The following CES5A variants were observed in gnomAD, a reference collection of about 807,000 sequenced individuals.
CES5A encodes the protein carboxylesterase 5A.
A neutral mutation model predicts 62.9 loss-of-function variants in CES5A; 67 were observed. The observed-to-expected ratio is 1.07, with a 90% confidence interval of 0.88 to 1.31. The LOEUF (loss-of-function observed/expected upper bound fraction) is 1.31. Among genes scored for constraint, CES5A ranks in the 50% most tolerant of loss-of-function variants. CES5A has a pLI of 0.00. For synonymous variants in CES5A, 296 were observed against 280.8 expected, an observed-to-expected ratio of 1.05 and a Z score of -0.54; for missense variants, 748 against 708.5, an observed-to-expected ratio of 1.06 and a Z score of -0.63.
At chr16:55,892,761 A>G (rs1054866594) in intron 1 of CES5A, among the ~76,000 whole-genome samples, 2 of 152,104 alleles carry the variant, frequency 1.3e-5, no homozygotes, top group African/African-American at 2.4e-5. Flanking sequence ...AAAATTATAT[A>G]TATATAAAGC....
intron 1 of CES5A, among the ~76,000 whole-genome samples, chr16:55,914,007 G>A (rs2034120644): frequency 6.6e-6 from 1 of 152,130 alleles, no homozygotes; most frequent in Non-Finnish European, 1.5e-5. Context: ...CTACTTACTA[G>A]CTCTGCAGCC....
intron 4 of CES5A, among the ~76,000 whole-genome samples, chr16:55,867,145 T>C (rs1246538463): frequency 2.0e-5 from 3 of 152,114 alleles, no homozygotes; most frequent in African/African-American, 7.2e-5. Flanking sequence ...TGCTGGGAAG[T>C]GTTTGGGCAG....
At chr16:55,937,306 C>T (rs540479384) in intron 2 of CES5A, among the ~76,000 whole-genome samples, 4 of 152,314 alleles carry the variant, frequency 2.6e-5, no homozygotes, top group African/African-American at 7.2e-5. Flanking sequence ...TATCTGCCTC[C>T]CTCGCTGGGC....
At chr16:55,886,151 T>G (rs2033813305) in intron 1 of CES5A, among the ~76,000 whole-genome samples, 1 of 152,246 alleles carries the variant, frequency 6.6e-6, no homozygotes, top group East Asian at 1.9e-4. Context: ...CTCTCAGGAG[T>G]GACCTCAAAA....
Position 55,866,006 on chromosome 16 carries a change from G to T in CES5A, c.662C>A (p.Thr221Asn), listed in dbSNP as rs755464791. ...GGCTCCCGCGGACTCGCCAAAGATG[G>T]TCACAGAGCTGGGGTCCCCACCGAA... ...EFFGGDPSSV[T>N]IFGESAGAIS... The change falls in exon 5 of 13, where the codon ACC becomes AAC. Residue 221 changes from threonine (T) to asparagine (N), a missense_variant. Transcript: ENST00000290567. 1.2e-6 allele frequency: 2 copies of T among 1,614,196 alleles called. No homozygotes were observed. The highest frequency in any genetic ancestry group is 1.3e-5 in the African/African-American group (1 of 75,056).
rs1482337923 is a variant in CES5A, at chr16:55,871,693, C to CA, written c.348_349insT (p.Val117CysfsTer42). The CA allele has an allele frequency of 6.2e-7, 1 of 1,614,144 alleles. No individual in the cohort carries two copies. Among genetic ancestry groups the CA allele is most frequent in the Non-Finnish European group, 8.5e-7 (1 of 1,180,012 alleles). On this transcript the variant is annotated frameshift_variant, in exon 3 of 13. Coordinates refer to ENST00000290567, the MANE Select transcript of CES5A (RefSeq NM_001143685.2). LOFTEE classifies it high-confidence loss of function. ...TTCAGGTAGAGGCAGTCTTCTGACA[C>CA]TCCGAATTTCGGGTAATGCACCTTG... is the stretch of plus-strand genomic sequence containing the variant.
intron 1 of CES5A, among the ~76,000 whole-genome samples, chr16:55,890,040 T>G (rs1352541617): frequency 6.6e-6 from 1 of 152,054 alleles, no homozygotes; most frequent in Non-Finnish European, 1.5e-5. Context: ...AGCATCAGAG[T>G]CACACTCACT....
rs545046787 is a variant in CES5A, at chr16:55,955,879, C to G, written c.7G>C (p.Val3Leu). ...TGGCATGAAGCAGGGCAAACCAGAA[C>G]AGCCATCAGACTTGCCCTTGGTCCT... Residue 3 changes from valine (V) to leucine (L), a missense_variant, in exon 1 of 14, where the codon GTT (valine) becomes CTT (leucine). By Grantham distance (32) the Val-to-Leu change is conservative. Coordinates refer to the CES5A transcript ENST00000521992. The G allele has an allele frequency of 3.3e-4, 505 of 1,536,086 alleles. 1 individual carries two copies. The African/African-American group carries it at 6.4e-3, about 20-fold the overall frequency.
intron 1 of CES5A, among the ~76,000 whole-genome samples, chr16:55,921,088 T>C (rs1457599091): frequency 6.6e-6 from 1 of 151,982 alleles, no homozygotes. Context: ...AAAAAAAGAA[T>C]GAAAAGCAAT....
chr16:55,915,645 A>T (rs753337914), intron 1 of CES5A, among the ~76,000 whole-genome samples: 30 of 152,142 alleles, frequency 2.0e-4, no homozygotes, highest in Non-Finnish European at 3.8e-4. Flanking sequence ...CTCCTCCAGG[A>T]AGTCTTCATT....
At chr16:55,850,320 G>T (rs1232725406) in intron 10 of CES5A, among the ~76,000 whole-genome samples, 1 of 152,102 alleles carries the variant, frequency 6.6e-6, no homozygotes, top group Non-Finnish European at 1.5e-5. Context: ...CACTATTTAG[G>T]TCCAGAACCT....
chr16:55,937,595 G>C (rs545272038), intron 2 of CES5A, among the ~76,000 whole-genome samples: 1 of 152,188 alleles, frequency 6.6e-6, no homozygotes, highest in Non-Finnish European at 1.5e-5. Flanking sequence ...AACAGGTGGC[G>C]GATGGCCAAG....
chr16:55,870,742 G>T (rs753907184), intron 3 of CES5A, among the ~76,000 whole-genome samples: 1 of 152,056 alleles, frequency 6.6e-6, no homozygotes, highest in African/African-American at 2.4e-5. Context: ...TAGAAAAATT[G>T]GGATCAGGGA....
At chr16:55,920,850 A>G (rs1209998120) in intron 1 of CES5A, among the ~76,000 whole-genome samples, 2 of 152,246 alleles carry the variant, frequency 1.3e-5, no homozygotes, top group African/African-American at 4.8e-5. Context: ...GTTTTAAGGA[A>G]ACTCAGTGAT....
chr16:55,850,479 T>C (rs1022750395), intron 10 of CES5A, among the ~76,000 whole-genome samples: 1 of 152,240 alleles, frequency 6.6e-6, no homozygotes, highest in Non-Finnish European at 1.5e-5. Flanking sequence ...TCATACAACA[T>C]GTGGCCCTTT....
chr16:55,937,732 G>A lies in CES5A; in HGVS notation c.160+12053C>T, dbSNP rs369340022. ...CCTTTGGGACACAGAAGGAGCCCAC[G>A]CACCTTCTTCATAATTCTTCTCTTT... On this transcript the variant is annotated intron_variant, in intron 2 of 13. Transcript: ENST00000521992. Among the ~76,000 whole-genome samples, 34 of 152,250 alleles carry A rather than the reference G, an allele frequency of 2.2e-4. No individual in the cohort carries two copies. The East Asian group carries it at 4.4e-3, about 20-fold the overall frequency.
chr16:55,889,634 A>G lies in CES5A; in HGVS notation c.-255-15597T>C, dbSNP rs146593569. Among the ~76,000 whole-genome samples the G allele has an allele frequency of 1.2e-3, 179 of 151,730 alleles. 1 individual carries two copies. Among genetic ancestry groups the G allele is most frequent in the African/African-American group, 3.7e-3 (152 of 41,412 alleles). On this transcript the variant is annotated intron_variant, in intron 1 of 12. Coordinates refer to the CES5A transcript ENST00000518005. ...ACCCTAAACCTCCACATGTTCAGCT[A>G]TCCAGAAGCTCTCCCAACCCAGTCC...
Position 55,875,340 on chromosome 16 carries a change from C to G in CES5A, c.-119G>C, listed in dbSNP as rs2033676639. On this transcript the variant is annotated 5_prime_UTR_variant, in exon 1 of 13. Coordinates refer to ENST00000290567, the MANE Select transcript of CES5A (RefSeq NM_001143685.2). ...CAAATGCTGAATAGGCAGGCAGAGG[C>G]AGCAGAGTTACTGAAGATCAGCATC... is the stretch of plus-strand genomic sequence containing the variant. 1 of 1,498,168 alleles carries G rather than the reference C, an allele frequency of 6.7e-7. No homozygotes were observed. The highest frequency in any genetic ancestry group is 1.4e-5 in the South Asian group (1 of 72,814). The allele number at this position is 1,498,168 out of a possible 1,614,324, so 92.8% of individuals were successfully genotyped here. A position where few individuals can be genotyped will look rare whatever the true frequency, so the allele number is the denominator to read the frequency against.
At position 55,856,402 on chromosome 16, in the gene CES5A, G is replaced by A. The variant is rs778000680; in HGVS notation, c.1100C>T (p.Ala367Val). The A allele has an allele frequency of 4.3e-6, 7 of 1,614,112 alleles. No individual in the cohort carries two copies. The Admixed American group carries it at 6.7e-5, about 15-fold the overall frequency. Reference protein sequence around the residue: ...EILSGSNKSLALHLIQNILHI... With the variant: ...EILSGSNKSLVLHLIQNILHI... Reference sequence around the variant, plus strand: ...CAGGATGTTTTGTATCAGATGGAGGGCAAGGGACTTGTTGGAGCCACTGAG... The same window carrying A: ...CAGGATGTTTTGTATCAGATGGAGGACAAGGGACTTGTTGGAGCCACTGAG... The change falls in exon 9 of 13, where the codon GCC (alanine) becomes GTC (valine). Residue 367 changes from alanine to valine, a missense_variant. By Grantham distance (64) the Ala-to-Val change is moderately conservative (BLOSUM62 0). Transcript: ENST00000290567.
Sources: gnomAD v4.1 joint callset for allele counts (sites outside exome capture counted in the v4.1 genomes callset) on GRCh38, gnomAD v4.1.1 for gene constraint, MANE v1.5 for transcripts, NCBI Gene and HGNC (gene_info 2026-07-23, HGNC 2026-07-21) for gene names.